The following DCAF1 variants were observed in gnomAD, a reference collection of about 807,000 sequenced individuals.
DCAF1 encodes the protein DDB1- and CUL4-associated factor 1.
DCAF1 carries 15 observed loss-of-function variants against 128.0 expected under a neutral mutation model. That is an observed-to-expected ratio of 0.12 (90% CI 0.08 to 0.18). The LOEUF (loss-of-function observed/expected upper bound fraction) is 0.18. Among genes scored for constraint, DCAF1 ranks in the 10% least tolerant of loss-of-function variants. The pLI is 1.00. For synonymous variants in DCAF1, 610 were observed against 603.0 expected, an observed-to-expected ratio of 1.01 and a Z score of -0.17; for missense variants, 988 against 1,649.5, an observed-to-expected ratio of 0.60 and a Z score of 6.95.
rs933745354 is a variant in DCAF1 at position 51,472,751 on chromosome 3, G to A, written c.111-1746C>T. Among the ~76,000 whole-genome samples, 47 of 150,434 alleles carry A rather than the reference G, an allele frequency of 3.1e-4. 1 individual carries two copies. The highest frequency in any genetic ancestry group is 2.7e-3 in the Admixed American group (40 of 15,060). On this transcript the variant is annotated intron_variant, in intron 3 of 24. Transcript: ENST00000684031. ...GCTATCTCAGCTCACCACAACCTCC[G>A]CCTCCCAGGTTCAAGCGATTCTGCT...
At chr3:51,404,229 T>A (rs1449224930) in intron 23 of DCAF1, among the ~76,000 whole-genome samples, 1 of 152,190 alleles carries the variant, frequency 6.6e-6, no homozygotes, top group African/African-American at 2.4e-5. Context: ...CATTTCCAAG[T>A]AAACGTAGCT....
At chr3:51,500,434 T>C (rs1226369427), upstream of DCAF1, among the ~76,000 whole-genome samples, 3 of 152,228 alleles carry the variant, frequency 2.0e-5, no homozygotes, top group Non-Finnish European at 4.4e-5. Flanking sequence ...TTTGGCCATT[T>C]GCCTTATCTT....
chr3:51,414,769 T>A lies in DCAF1; in HGVS notation c.3692A>T (p.Asn1231Ile). The A allele has an allele frequency of 6.2e-7, 1 of 1,613,956 alleles. No individual in the cohort carries two copies. Among genetic ancestry groups the A allele is most frequent in the Non-Finnish European group, 8.5e-7 (1 of 1,179,890 alleles). The change falls in exon 19 of 25, where the codon AAT (asparagine) becomes ATT (isoleucine). Residue 1231 changes from asparagine to isoleucine, a missense_variant. By Grantham distance (149) the Asn-to-Ile change is moderately radical (BLOSUM62 -3). Around this residue, in one of 11 missense-constraint regions of DCAF1, gnomAD observed 61 missense variants for 78.3 expected, o/e 0.78. Coordinates refer to ENST00000684031, the MANE Select transcript of DCAF1 (RefSeq NM_001387579.1). ...ATTTAAGACAAGATCATCTGTAGGA[T>A]TAAAGGTGGCACAGTTCCTCTTGTA... ...NNYKRNCATF[N>I]PTDDLVLNDG...
chr3:51,428,325 C>A lies in DCAF1; in HGVS notation c.1678-784G>T, dbSNP rs193059982. ...CAAGTAGCTGACACAGGTGTACCAC[C>A]ATGCCCTTTTTTTTTTTTTTTTTTT... On this transcript the variant is annotated intron_variant, in intron 12 of 24. Coordinates refer to ENST00000684031, the MANE Select transcript of DCAF1 (RefSeq NM_001387579.1). Among the ~76,000 whole-genome samples, 206 of 134,704 alleles carry A rather than the reference C, an allele frequency of 1.5e-3. 2 individuals carry two copies. The highest frequency in any genetic ancestry group is 2.2e-3 in the Admixed American group (25 of 11,344). The allele number at this position is 134,704 out of a possible 152,430, so 88.4% of individuals were successfully genotyped here. A position where few individuals can be genotyped will look rare whatever the true frequency, so the allele number is the denominator to read the frequency against.
chr3:51,417,922 T>C (rs543777876), intron 17 of DCAF1, among the ~76,000 whole-genome samples, 194 bp downstream of exon 17: 9 of 152,076 alleles, frequency 5.9e-5, no homozygotes, highest in African/African-American at 1.9e-4. Context: ...AGAATGTATA[T>C]ACCTCATAAA....
At chr3:51,499,816 G>A (rs2108639563) in intron 1 of DCAF1, 57 bp downstream of exon 1, 1 of 148,954 alleles carries the variant, frequency 6.7e-6, no homozygotes, top group Middle Eastern at 3.4e-3. Flanking sequence ...GGCCAGCCGC[G>A]CGACCTGCTT....
chr3:51,430,747 T>C (rs1317752086), intron 10 of DCAF1, among the ~76,000 whole-genome samples: 2 of 152,228 alleles, frequency 1.3e-5, no homozygotes, highest in African/African-American at 2.4e-5. Flanking sequence ...ATTAGTTTAT[T>C]ACTCCCAAAA....
At chr3:51,410,339 A>G (rs1182430756) in intron 23 of DCAF1, among the ~76,000 whole-genome samples, 1 of 152,238 alleles carries the variant, frequency 6.6e-6, no homozygotes, top group Non-Finnish European at 1.5e-5. Context: ...CCAAGAGAGC[A>G]CACACAGGGG....
intron 5 of DCAF1, among the ~76,000 whole-genome samples, chr3:51,464,686 A>G (rs1553645884): frequency 6.6e-6 from 1 of 152,098 alleles, no homozygotes; most frequent in African/African-American, 2.4e-5. Context: ...CTTAAAAAAA[A>G]AAAAAAAGAT....
chr3:51,474,361 G>A (rs377065013), intron 3 of DCAF1, among the ~76,000 whole-genome samples: 74 of 152,108 alleles, frequency 4.9e-4, no homozygotes, highest in African/African-American at 1.7e-3. Context: ...CGGAGGTCGC[G>A]GTGAGCCGAG....
At chr3:51,400,988 T>TG (rs1223847995) in intron 24 of DCAF1, among the ~76,000 whole-genome samples, 1 of 151,612 alleles carries the variant, frequency 6.6e-6, no homozygotes, top group Non-Finnish European at 1.5e-5. Context: ...AAAAATTAGC[T>TG]GGGGGTGGTG....
downstream of DCAF1, chr3:51,395,895 C>CTGT (rs560627077): frequency 5.0e-4 from 208 of 413,498 alleles, no homozygotes; most frequent in African/African-American, 4.1e-3. Context: ...ATTTATTTGC[C>CTGT]TGTTTTTGTT....
intron 2 of DCAF1, among the ~76,000 whole-genome samples, chr3:51,489,183 C>T (rs774603976): frequency 3.3e-5 from 5 of 152,160 alleles, no homozygotes; most frequent in Admixed American, 6.6e-5. Context: ...CCTGTAATCC[C>T]GGCGCTTTGG....
At chr3:51,414,962 T>C in intron 18 of DCAF1, 105 bp from the exon 19 acceptor site, 2 of 1,441,698 alleles carry the variant, frequency 1.4e-6, no homozygotes, top group Non-Finnish European at 1.8e-6. Flanking sequence ...ACACAAATTC[T>C]CCACATGGAT....
intron 2 of DCAF1, among the ~76,000 whole-genome samples, chr3:51,491,040 GAAAA>G (rs56102341): frequency 1.2e-4 from 15 of 128,276 alleles, no homozygotes; most frequent in South Asian, 5.1e-4. Flanking sequence ...AACAATCTTG[GAAAA>G]AAAAAAAAAA....
chr3:51,453,477 A>T (rs1252266017), intron 6 of DCAF1, among the ~76,000 whole-genome samples: 6 of 151,878 alleles, frequency 4.0e-5, no homozygotes, highest in African/African-American at 9.7e-5. Flanking sequence ...AAAAATTTTT[A>T]AAAAATTAGC....
chr3:51,405,929 G>C (rs2090070496), intron 23 of DCAF1, among the ~76,000 whole-genome samples: 1 of 152,180 alleles, frequency 6.6e-6, no homozygotes, highest in African/African-American at 2.4e-5. Flanking sequence ...AGCTACTCAG[G>C]AAGCTGAGGC....
At chr3:51,489,104 C>G (rs1707321354) in intron 2 of DCAF1, among the ~76,000 whole-genome samples, 1 of 152,108 alleles carries the variant, frequency 6.6e-6, no homozygotes, top group African/African-American at 2.4e-5. Flanking sequence ...AACCAGACAA[C>G]AATGTCTGCC....
chr3:51,486,934 G>A (rs1707033599), intron 2 of DCAF1, among the ~76,000 whole-genome samples: 3 of 145,950 alleles, frequency 2.1e-5, no homozygotes, highest in Non-Finnish European at 3.0e-5. Context: ...GCTTGGCCTC[G>A]ATAAATATAT....
Sources: allele counts gnomAD v4.1 joint callset (sites outside exome capture counted in the v4.1 genomes callset), GRCh38; gene constraint gnomAD v4.1.1; regional missense constraint gnomAD v4.1.1; transcripts MANE v1.5; gene names NCBI Gene and HGNC (gene_info 2026-07-23, HGNC 2026-07-21).